Variants in CCDC85A observed in about 807,000 individuals in gnomAD.
CCDC85A encodes coiled-coil domain-containing protein 85A.
Under a neutral mutation model 50.2 loss-of-function variants are expected in CCDC85A, and 38 were observed. The observed-to-expected ratio is 0.76, with a 90% CI of 0.58 to 0.99. The LOEUF (loss-of-function observed/expected upper bound fraction) is 0.99, where lower values mean the gene tolerates loss of function less well. Ranked by LOEUF, CCDC85A falls within the 50% of genes least tolerant of loss-of-function variation. CCDC85A has a pLI of 0.00. For synonymous variants in CCDC85A, 366 were observed against 301.4 expected (o/e 1.21, Z -2.22); for missense variants, 820 against 742.0 (o/e 1.11, Z -1.22).
intron 2 of CCDC85A, among the ~76,000 whole-genome samples, chr2:56,337,601 C>A (rs1287924044): frequency 6.6e-6 from 1 of 152,132 alleles, no homozygotes. Context: ...TCTCTCTGGC[C>A]TATCAAAATT....
At chr2:56,338,054 A>C (rs1187785227) in intron 2 of CCDC85A, among the ~76,000 whole-genome samples, 6 of 152,130 alleles carry the variant, frequency 3.9e-5, no homozygotes, top group Non-Finnish European at 5.9e-5. Flanking sequence ...AAGTGCTGGG[A>C]TTACAGGCTT....
At chr2:56,253,436 C>T (rs759615) in intron 2 of CCDC85A, among the ~76,000 whole-genome samples, 53,466 of 151,800 alleles carry the variant, frequency 0.35, 9,459 homozygotes, top group South Asian at 0.52. Context: ...AAGACCAGAG[C>T]GGGTTGGAAA....
At chr2:56,262,135 T>C (rs1225975990) in intron 2 of CCDC85A, among the ~76,000 whole-genome samples, 1 of 152,128 alleles carries the variant, frequency 6.6e-6, no homozygotes, top group Non-Finnish European at 1.5e-5. Flanking sequence ...TTGAGGAAAT[T>C]TGAGAGGTCA....
rs532521601 is a variant in CCDC85A at position 56,295,729 on chromosome 2, G to A, written c.1241-47150G>A. On this transcript the variant is annotated intron_variant, in intron 2 of 5. Coordinates refer to ENST00000407595, the MANE Select transcript of CCDC85A (RefSeq NM_001080433.2). ...TAGTGACTTCTTCTCTTGAGTGTTA[G>A]CATCATTATCTAGTGTCAGGAAACC... Among the ~76,000 whole-genome samples, 3 of 152,276 alleles carry A rather than the reference G, an allele frequency of 2.0e-5. No individual in the cohort carries two copies. The East Asian group carries it at 5.8e-4, about 29-fold the overall frequency.
intron 4 of CCDC85A, among the ~76,000 whole-genome samples, chr2:56,374,339 G>A (rs902595188): frequency 5.9e-5 from 9 of 152,108 alleles, no homozygotes; most frequent in Non-Finnish European, 1.2e-4. Flanking sequence ...GGACATAGGA[G>A]AAATGACAGC....
intron 3 of CCDC85A, among the ~76,000 whole-genome samples, chr2:56,362,536 G>C (rs1173050256): frequency 6.6e-6 from 1 of 152,066 alleles, no homozygotes; most frequent in African/African-American, 2.4e-5. Flanking sequence ...AAGATTTAAA[G>C]ATGGAGAAGG....
chr2:56,195,320 G>C (rs1209616364), intron 2 of CCDC85A, among the ~76,000 whole-genome samples: 1 of 152,136 alleles, frequency 6.6e-6, no homozygotes, highest in Non-Finnish European at 1.5e-5. Flanking sequence ...TTATTGCCTG[G>C]ATACAGAGAA....
intron 2 of CCDC85A, among the ~76,000 whole-genome samples, chr2:56,287,986 G>A (rs1671521736): frequency 6.6e-6 from 1 of 152,030 alleles, no homozygotes; most frequent in African/African-American, 2.4e-5. Context: ...GAGGCCCTCT[G>A]GGGAAGCTTT....
chr2:56,341,236 G>A (rs974861967), intron 2 of CCDC85A, among the ~76,000 whole-genome samples: 27 of 152,140 alleles, frequency 1.8e-4, no homozygotes, highest in Non-Finnish European at 8.8e-5. Flanking sequence ...TAGTACACAC[G>A]CTTGAGACCA....
intron 2 of CCDC85A, among the ~76,000 whole-genome samples, chr2:56,224,714 C>T (rs1229030323): frequency 3.3e-5 from 5 of 152,112 alleles, no homozygotes. Context: ...TGATGTTGAG[C>T]ATCCTTTCAT....
intron 5 of CCDC85A, chr2:56,383,531 C>A (rs774706375): frequency 1.3e-5 from 12 of 955,530 alleles, no homozygotes; most frequent in Non-Finnish European, 1.5e-5. Context: ...TGTGGCCCAG[C>A]TTCTAACATA....
At chr2:56,305,491 A>C (rs1342069552) in intron 2 of CCDC85A, among the ~76,000 whole-genome samples, 1 of 152,242 alleles carries the variant, frequency 6.6e-6, no homozygotes, top group Non-Finnish European at 1.5e-5. Flanking sequence ...CTGTGTTTAT[A>C]GAATTGGAAG....
At chr2:56,187,121 C>G (rs1299455464) in intron 1 of CCDC85A, among the ~76,000 whole-genome samples, 1 of 152,064 alleles carries the variant, frequency 6.6e-6, no homozygotes, top group Non-Finnish European at 1.5e-5. Context: ...CATAGTAATC[C>G]ATAAATGTGG....
chr2:56,194,054 G>A (rs980781894), intron 2 of CCDC85A, among the ~76,000 whole-genome samples: 11 of 152,150 alleles, frequency 7.2e-5, no homozygotes, highest in Non-Finnish European at 1.5e-4. Context: ...CATCTAAAAC[G>A]CATCAGCTGA....
At chr2:56,203,638 C>T (rs961884395) in intron 2 of CCDC85A, among the ~76,000 whole-genome samples, 4 of 152,022 alleles carry the variant, frequency 2.6e-5, no homozygotes, top group Admixed American at 6.6e-5. Context: ...TATTTCTATT[C>T]GCAAGGCATA....
chr2:56,375,305 T>C (rs1283392560), intron 4 of CCDC85A, among the ~76,000 whole-genome samples: 2 of 152,224 alleles, frequency 1.3e-5, no homozygotes, highest in African/African-American at 4.8e-5. Flanking sequence ...CAATTTTCAG[T>C]TTTTAAAGAA....
At chr2:56,228,607 A>C (rs1668642890) in intron 2 of CCDC85A, among the ~76,000 whole-genome samples, 1 of 151,716 alleles carries the variant, frequency 6.6e-6, no homozygotes, top group South Asian at 2.1e-4. Flanking sequence ...ATCTTGGCTC[A>C]CTGCAAGCTC....
intron 2 of CCDC85A, among the ~76,000 whole-genome samples, chr2:56,208,150 A>G (rs1298162143): frequency 2.6e-5 from 4 of 152,164 alleles, no homozygotes; most frequent in Non-Finnish European, 2.9e-5. Flanking sequence ...AAGAAACTAA[A>G]CTAAATTTCT....
At chr2:56,252,273 C>A (rs936782114) in intron 2 of CCDC85A, among the ~76,000 whole-genome samples, 6 of 152,040 alleles carry the variant, frequency 3.9e-5, no homozygotes, top group Admixed American at 3.9e-4. Flanking sequence ...GTATCGAATA[C>A]CTGACCTTGT....
Sources: allele counts gnomAD v4.1 joint callset (sites outside exome capture counted in the v4.1 genomes callset), GRCh38; gene constraint gnomAD v4.1.1; transcripts MANE v1.5; gene names NCBI Gene and HGNC (gene_info 2026-07-23, HGNC 2026-07-21).